The following MTMR6 variants were observed in gnomAD, a reference collection of about 807,000 sequenced individuals.
The protein encoded by MTMR6 is myotubularin related protein 6.
MTMR6 carries 47 observed loss-of-function variants against 80.1 expected under a neutral mutation model. That is an observed-to-expected ratio of 0.59 (90% confidence interval 0.46 to 0.75). The LOEUF is 0.75. MTMR6 is among the 30% of genes least tolerant of loss of function. MTMR6 has a pLI of 0.00. For missense variants in MTMR6, 629 were observed against 730.9 expected, an observed-to-expected ratio of 0.86 and a Z score of 1.61; for synonymous variants, 254 against 253.0, an observed-to-expected ratio of 1.00 and a Z score of -0.04.
chr13:25,273,728 T>C (rs900238094), intron 2 of MTMR6, among the ~76,000 whole-genome samples: 1 of 152,140 alleles, frequency 6.6e-6, no homozygotes, highest in African/African-American at 2.4e-5. Flanking sequence ...GGTTTCACTA[T>C]GTTGGCCAGG....
chr13:25,285,394 C>G (rs1957934381), intron 1 of MTMR6, among the ~76,000 whole-genome samples: 1 of 131,018 alleles, frequency 7.6e-6, no homozygotes, highest in Admixed American at 7.6e-5. Context: ...TTTCCGCCCC[C>G]CCCCCCCCAA....
intron 1 of MTMR6, among the ~76,000 whole-genome samples, chr13:25,277,408 C>T (rs942866208): frequency 6.6e-6 from 1 of 152,200 alleles, no homozygotes; most frequent in East Asian, 1.9e-4. Context: ...GCATGAATAT[C>T]TCCTAACGGT....
intron 2 of MTMR6, among the ~76,000 whole-genome samples, chr13:25,271,724 A>G (rs1431395618): frequency 6.6e-6 from 1 of 152,200 alleles, no homozygotes; most frequent in Non-Finnish European, 1.5e-5. Flanking sequence ...CAGCACTAGA[A>G]TGTTGGCTCC....
At position 25,258,680 on chromosome 13, in the gene MTMR6, C is replaced by A; in HGVS notation, c.739G>T (p.Ala247Ser). The change falls in exon 7 of 14, where the codon GCC becomes TCC. Residue 247 changes from alanine to serine, a missense_variant. Physicochemically the swap from Ala to Ser is moderately conservative, Grantham distance 99 (BLOSUM62 1). Transcript: ENST00000381801. Reference sequence around the variant, plus strand: ...TAACCTTTTCCAGCTGCTCTGTTGGCCATTGCATTCAGCTAAAATTAAAAG... The same window carrying A: ...TAACCTTTTCCAGCTGCTCTGTTGGACATTGCATTCAGCTAAAATTAAAAG... ...MDTRPKLNAM[A>S]NRAAGKGYEN... 1 of 1,552,978 alleles carries A rather than the reference C, an allele frequency of 6.4e-7. No homozygotes were observed. Among genetic ancestry groups the A allele is most frequent in the South Asian group, 1.2e-5 (1 of 80,702 alleles).
intron 1 of MTMR6, 119 bp downstream of exon 1, chr13:25,287,105 G>A: frequency 1.4e-6 from 2 of 1,432,020 alleles, no homozygotes; most frequent in South Asian, 2.5e-5. Context: ...CCCGCCCCGG[G>A]CCGGGTCTCC....
rs1957005981 is a variant in MTMR6, at chr13:25,247,641, A to C, written c.*1591T>G. On this transcript the variant is annotated 3_prime_UTR_variant, in exon 14 of 14. Coordinates refer to ENST00000381801, the MANE Select transcript of MTMR6 (RefSeq NM_004685.5). ...CTTAAATATGGAAGCAGGATTGGTT[A>C]ATCACATACTATATTTTATAGTGCA... 6.6e-6 allele frequency: 1 copy of C among 152,198 alleles called. No individual in the cohort carries two copies. Among genetic ancestry groups the C allele is most frequent in the African/African-American group, 2.4e-5 (1 of 41,460 alleles). The allele number at this position is 152,198 out of a possible 1,614,324, so 9.4% of individuals were successfully genotyped here. A position where few individuals can be genotyped will look rare whatever the true frequency, so the allele number is the denominator to read the frequency against.
rs751514678 is a variant in MTMR6 at position 25,287,455 on chromosome 13, C to G, written c.-208G>C. Reference sequence around the variant, plus strand: ...CACTTCCCCAAACCCCGCGGCCTCCCGGGGGACTCGGGGCAGGCAGACAGA... The same window carrying G: ...CACTTCCCCAAACCCCGCGGCCTCCGGGGGGACTCGGGGCAGGCAGACAGA... On this transcript the variant is annotated 5_prime_UTR_variant, in exon 1 of 14. Transcript: ENST00000381801. 11 of 615,312 alleles carry G rather than the reference C, an allele frequency of 1.8e-5. No individual in the cohort carries two copies. Among genetic ancestry groups the G allele is most frequent in the Non-Finnish European group, 2.9e-5 (10 of 345,496 alleles). The allele number at this position is 615,312 out of a possible 1,614,324, so 38.1% of individuals were successfully genotyped here.
rs1248506193 is a variant in MTMR6, at chr13:25,253,861, A to T, written c.1249T>A (p.Phe417Ile). ...ATCTGAAGAAGAAATGCTTCACTGA[A>T]TTCAAAGGCTTGTGGAAACTGTTCG... ...LTEQFPQAFE[F>I]SEAFLLQIHE... The change falls in exon 11 of 14, where the codon TTC becomes ATC. Residue 417 changes from phenylalanine to isoleucine, a missense_variant. Phe to Ile is a conservative substitution (Grantham distance 21, BLOSUM62 0). Coordinates refer to ENST00000381801, the MANE Select transcript of MTMR6 (RefSeq NM_004685.5). The T allele has an allele frequency of 6.2e-7, 1 of 1,614,140 alleles. No homozygotes were observed. Among genetic ancestry groups the T allele is most frequent in the Admixed American group, 1.7e-5 (1 of 60,018 alleles).
In MTMR6 at chr13:25,286,624, A is replaced by G. The variant is rs143620423; in HGVS notation, c.24+600T>C. Among the ~76,000 whole-genome samples the G allele has an allele frequency of 9.2e-3, 1,401 of 152,340 alleles. 20 individuals carry two copies. The highest frequency in any genetic ancestry group is 0.015 in the Non-Finnish European group (991 of 68,022). On this transcript the variant is annotated intron_variant, in intron 1 of 13. Coordinates refer to ENST00000381801, the MANE Select transcript of MTMR6 (RefSeq NM_004685.5). Reference sequence around the variant, plus strand: ...CTGCATCCGACCTTTTAAAATATGGAATAACATTTTTCCCTTCTCCAGAAC... The same window carrying G: ...CTGCATCCGACCTTTTAAAATATGGGATAACATTTTTCCCTTCTCCAGAAC...
At chr13:25,282,656 G>T (rs2137638773) in intron 1 of MTMR6, among the ~76,000 whole-genome samples, 1 of 150,846 alleles carries the variant, frequency 6.6e-6, no homozygotes, top group South Asian at 2.1e-4. Context: ...ACCCAGGCTG[G>T]ATGCCGTGGC....
In MTMR6 at chr13:25,249,158, G is replaced by A; in HGVS notation, c.*74C>T. ...AATTGTTATTAGACAAATTCCTTTT[G>A]GTTATGCTTACAGACCATCCTCACA... On this transcript the variant is annotated 3_prime_UTR_variant, in exon 14 of 14. Transcript: ENST00000381801. 6.7e-7 allele frequency: 1 copy of A among 1,497,076 alleles called. No individual in the cohort carries two copies. Among genetic ancestry groups the A allele is most frequent in the Non-Finnish European group, 9.0e-7 (1 of 1,107,528 alleles). 92.7% of individuals were successfully genotyped at this position (1,497,076 alleles called of 1,614,324 possible). A position where few individuals can be genotyped will look rare whatever the true frequency, so the allele number is the denominator to read the frequency against.
intron 1 of MTMR6, among the ~76,000 whole-genome samples, chr13:25,285,573 T>C (rs540861571): frequency 1.3e-5 from 2 of 151,436 alleles, no homozygotes; most frequent in South Asian, 2.1e-4. Flanking sequence ...CCCGCTCTAT[T>C]GCCCAGGCTG....
rs766414006 is a variant in MTMR6 at position 25,251,863 on chromosome 13, A to C, written c.1468T>G (p.Phe490Val). The C allele has an allele frequency of 6.2e-7, 1 of 1,607,184 alleles. No individual in the cohort carries two copies. Among genetic ancestry groups the C allele is most frequent in the Non-Finnish European group, 8.5e-7 (1 of 1,178,208 alleles). Residue 490 changes from phenylalanine (F) to valine (V), a missense_variant, in exon 12 of 14, where the codon TTC (phenylalanine) becomes GTC (valine). Coordinates refer to ENST00000381801, the MANE Select transcript of MTMR6 (RefSeq NM_004685.5). The surrounding 1 kb of genome is among the most constrained non-coding windows in gnomAD (Gnocchi z 4.1). The part of the protein sequence containing the change: ...FTVLEPNTVS[F>V]NFKFWRNMYH... ...ATGATGTCAACTTACTTAAAATTGA[A>C]AGATACTGTATTTGGCTCCAAAACT...
chr13:25,256,926 C>T (rs1216573267), intron 9 of MTMR6, among the ~76,000 whole-genome samples: 1 of 152,120 alleles, frequency 6.6e-6, no homozygotes, highest in Non-Finnish European at 1.5e-5. Context: ...AGTGTTAGCA[C>T]AAATGGAAAT....
intron 1 of MTMR6, among the ~76,000 whole-genome samples, chr13:25,281,628 T>A (rs1392239159): frequency 1.3e-5 from 2 of 152,160 alleles, no homozygotes; most frequent in African/African-American, 4.8e-5. Context: ...CAATAGACGC[T>A]GTGGCTACTG....
Position 25,246,749 on chromosome 13 carries a change from A to C in MTMR6, c.*2483T>G, listed in dbSNP as rs1489186497. On this transcript the variant is annotated 3_prime_UTR_variant, in exon 14 of 14. Coordinates refer to ENST00000381801, the MANE Select transcript of MTMR6 (RefSeq NM_004685.5). The stretch of plus-strand genomic sequence containing the variant: ...CACCACCTCCCTGCTCTGCTACCCG[A>C]CCAAATAAATTGAATTTGTTTTAAA... The C allele has an allele frequency of 6.6e-6, 1 of 152,660 alleles. No individual in the cohort carries two copies. Among genetic ancestry groups the C allele is most frequent in the Non-Finnish European group, 1.5e-5 (1 of 68,044 alleles). The allele number at this position is 152,660 out of a possible 1,614,324, so 9.5% of individuals were successfully genotyped here.
chr13:25,277,383 CT>C (rs1464244776), intron 1 of MTMR6, among the ~76,000 whole-genome samples: 4 of 152,294 alleles, frequency 2.6e-5, no homozygotes, highest in South Asian at 2.1e-4. Flanking sequence ...AGGGCAAAGA[CT>C]GTCTTTCATT....
At chr13:25,274,226 A>C (rs1329077744) in intron 1 of MTMR6, 39 bp from the exon 2 acceptor site, 1 of 1,379,706 alleles carries the variant, frequency 7.2e-7, no homozygotes, top group East Asian at 2.3e-5. Context: ...TTTCAAAAGT[A>C]GTATAAATTA....
chr13:25,282,558 C>T lies in MTMR6; in HGVS notation c.24+4666G>A, dbSNP rs143877756. On this transcript the variant is annotated intron_variant, in intron 1 of 13. Coordinates refer to ENST00000381801, the MANE Select transcript of MTMR6 (RefSeq NM_004685.5). ...GTGCTTCACCTCTTCCAAATGCATC[C>T]GGCTTCTCCTCCTCTGCTTGCTCGC... Among the ~76,000 whole-genome samples, 348 of 151,886 alleles carry T rather than the reference C, an allele frequency of 2.3e-3. 1 individual carries two copies. Among genetic ancestry groups the T allele is most frequent in the South Asian group, 0.012 (59 of 4,798 alleles).
Sources: gnomAD v4.1 joint callset for allele counts (sites outside exome capture counted in the v4.1 genomes callset) on GRCh38, gnomAD v4.1.1 for gene constraint, Gnocchi (gnomAD v3.1) non-coding constraint, MANE v1.5 for transcripts, NCBI Gene and HGNC (gene_info 2026-07-23, HGNC 2026-07-21) for gene names.